PLCD4: variants seen among roughly 807,000 people sequenced by gnomAD.
The protein encoded by PLCD4 is 1-phosphatidylinositol 4,5-bisphosphate phosphodiesterase delta-4.
In PLCD4, 63 loss-of-function variants were observed where a neutral mutation model predicts 90.2. The ratio of observed to expected loss-of-function variants is 0.70; its 90% CI spans 0.57 to 0.86. PLCD4 has a LOEUF of 0.86. PLCD4 is among the 40% of genes least tolerant of loss of function. PLCD4 has a pLI of 0.00. For synonymous variants in PLCD4, 294 were observed against 356.5 expected (o/e 0.82, Z 1.97); for missense variants, 830 against 956.3 (o/e 0.87, Z 1.74).
rs1350223781 is a variant in PLCD4, at chr2:218,632,216, A to C, written c.1353A>C (p.Glu451Asp). 6.2e-7 allele frequency: 1 copy of C among 1,611,454 alleles called. No individual in the cohort carries two copies. ...TGGAATATGAGGAAGAGGAAGCAGAACCTGAGTTGGAAGAGTCAGAATTGG... is the reference window on the plus strand; with the variant it reads ...TGGAATATGAGGAAGAGGAAGCAGACCCTGAGTTGGAAGAGTCAGAATTGG... ...EDLEYEEEEA[E>D]PELEESELAL... is the part of the protein sequence containing the mutation. Residue 451 changes from glutamate (E) to aspartate (D), a missense_variant, in exon 10 of 16, where the codon GAA becomes GAC. Physicochemically the swap from Glu to Asp is conservative, Grantham distance 45. Transcript: ENST00000450993.
intron 14 of PLCD4, 80 bp downstream of exon 14, chr2:218,636,011 G>A (rs1405802489): frequency 6.9e-6 from 11 of 1,595,242 alleles, no homozygotes; most frequent in Non-Finnish European, 8.6e-6. Context: ...ATTAAGTATA[G>A]CATCTGTTAT....
At chr2:218,636,103 A>C in intron 14 of PLCD4, 140 bp from the exon 15 acceptor site, 2 of 1,369,212 alleles carry the variant, frequency 1.5e-6, no homozygotes, top group African/African-American at 2.9e-5. Flanking sequence ...GACCTGGGCA[A>C]ATTACTTGCT....
chr2:218,611,793 T>G (rs1695347393), intron 1 of PLCD4, among the ~76,000 whole-genome samples: 1 of 152,004 alleles, frequency 6.6e-6, no homozygotes, highest in Non-Finnish European at 1.5e-5. Context: ...GAGACGGGGT[T>G]TCACTATGTT....
At chr2:218,609,660 G>C (rs1695242795) in intron 1 of PLCD4, 9 of 152,172 alleles carry the variant, frequency 5.9e-5, no homozygotes, top group Admixed American at 5.9e-4. Flanking sequence ...TTAGACACCA[G>C]AGGAAACAGC....
At chr2:218,618,880 T>A in intron 4 of PLCD4, 73 bp downstream of exon 4, 1 of 1,443,856 alleles carries the variant, frequency 6.9e-7, no homozygotes. Flanking sequence ...GCAACAGGTT[T>A]AGGAAAGGTG....
At chr2:218,627,923 T>G in intron 6 of PLCD4, 106 bp from the exon 7 acceptor site, 1 of 1,062,852 alleles carries the variant, frequency 9.4e-7, no homozygotes, top group Non-Finnish European at 1.4e-6. Flanking sequence ...GGGTGCCATC[T>G]GAAAGGCAGG....
In PLCD4 at chr2:218,633,634, C is replaced by T; in HGVS notation, c.1479C>T (p.Leu493=). The T allele has an allele frequency of 6.2e-7, 1 of 1,613,772 alleles. No individual in the cohort carries two copies. The highest frequency in any genetic ancestry group is 8.5e-7 in the Non-Finnish European group (1 of 1,179,660). ...CCAAGCCCATCTTGTGTCCAGCCCTCTCTTCCCTGGTTATCTACTTGAAGT... is the reference window on the plus strand; with the variant it reads ...CCAAGCCCATCTTGTGTCCAGCCCTTTCTTCCCTGGTTATCTACTTGAAGT... ...KKSKPILCPA[L]SSLVIYLKSV... Residue 493 remains leucine, a synonymous_variant, in exon 11 of 16, where the codon CTC becomes CTT. Transcript: ENST00000450993.
chr2:218,611,734 G>T (rs988256080), intron 1 of PLCD4, among the ~76,000 whole-genome samples: 4 of 150,966 alleles, frequency 2.6e-5, no homozygotes, highest in Non-Finnish European at 5.9e-5. Flanking sequence ...GAGTAGCTGG[G>T]ATTACAGGTG....
rs1559279282 is a variant in PLCD4 at position 218,635,849 on chromosome 2, T to G, written c.1950T>G (p.Ile650Met). The change falls in exon 14 of 16, where the codon ATT (isoleucine) becomes ATG (methionine). Residue 650 changes from isoleucine (I) to methionine (M), a missense_variant. By Grantham distance (10) the Ile-to-Met change is conservative (BLOSUM62 1). Transcript: ENST00000450993. ...PKVDKTKEGSIVDPLVKVQIF... is the reference protein window; with the variant it reads ...PKVDKTKEGSMVDPLVKVQIF... ...TGGACAAGACCAAAGAGGGGTCCATTGTGGATCCACTGGTGAAAGTGCAGA... is the reference window on the plus strand; with the variant it reads ...TGGACAAGACCAAAGAGGGGTCCATGGTGGATCCACTGGTGAAAGTGCAGA... 2 of 1,613,898 alleles carry G rather than the reference T, an allele frequency of 1.2e-6. No individual in the cohort carries two copies. The highest frequency in any genetic ancestry group is 2.2e-5 in the South Asian group (2 of 91,074).
rs1489914710 is a variant in PLCD4 at position 218,615,884 on chromosome 2, C to G, written c.23-20C>G. 6.2e-7 allele frequency: 1 copy of G among 1,613,020 alleles called. No individual in the cohort carries two copies. Among genetic ancestry groups the G allele is most frequent in the Non-Finnish European group, 8.5e-7 (1 of 1,179,166 alleles). ...CTACCCTCTCTGCTGGCTACCTAAC[C>G]CCTGCTTTTCCTGACCTAGAGCTGA... On this transcript the variant is annotated intron_variant, in intron 2 of 15. Transcript: ENST00000450993.
intron 8 of PLCD4, 125 bp from the exon 9 acceptor site, chr2:218,630,525 A>C: frequency 5.4e-6 from 6 of 1,105,436 alleles, no homozygotes; most frequent in Non-Finnish European, 6.7e-6. Context: ...TGGAGTTGGA[A>C]GAGTTTAGTG....
intron 4 of PLCD4, among the ~76,000 whole-genome samples, chr2:218,620,779 AGCTACT>A (rs1695835807): frequency 6.6e-6 from 1 of 151,096 alleles, no homozygotes; most frequent in African/African-American, 2.4e-5. Flanking sequence ...CTGTAATCTC[AGCTACT>A]CAGGAGGCTG....
Position 218,632,122 on chromosome 2 carries a change from T to G in PLCD4, c.1273-14T>G. 6.3e-7 allele frequency: 1 copy of G among 1,592,554 alleles called. No individual in the cohort carries two copies. Among genetic ancestry groups the G allele is most frequent in the South Asian group, 1.1e-5 (1 of 87,156 alleles). ...GCAGACAGGTAGACAGGCCCCTTCA[T>G]TTTTGTCCCCTAGGAGCTTCGGAGG... is the stretch of plus-strand genomic sequence containing the variant. On this transcript the variant is annotated splice_polypyrimidine_tract_variant and intron_variant, in intron 9 of 15. Transcript: ENST00000450993.
At chr2:218,618,306 C>T (rs1695712995) in intron 3 of PLCD4, among the ~76,000 whole-genome samples, 1 of 152,214 alleles carries the variant, frequency 6.6e-6, no homozygotes, top group Admixed American at 6.5e-5. Context: ...TGGTTTGTGT[C>T]ATACTGCCAG....
At chr2:218,633,904 G>A in intron 11 of PLCD4, 143 bp downstream of exon 11, 1 of 1,233,982 alleles carries the variant, frequency 8.1e-7, no homozygotes, top group Admixed American at 2.1e-5. Context: ...GCAGACAAGG[G>A]CAGAGGAGTT....
chr2:218,629,995 T>G (rs1434581188), intron 8 of PLCD4, among the ~76,000 whole-genome samples: 3 of 152,040 alleles, frequency 2.0e-5, no homozygotes, highest in Non-Finnish European at 2.9e-5. Context: ...CTGACCAACA[T>G]GGAGAAACCC....
chr2:218,634,556 C>T lies in PLCD4; in HGVS notation c.1822C>T (p.Leu608=). ...GCGYVLKPDF[L]RDIQSSFHPE... ...TGGCTATGTGCTGAAGCCAGACTTC[C>T]TGCGTGATATCCAGAGTTCTTTCCA... Residue 608 remains leucine, a synonymous_variant, in exon 13 of 16, where the codon CTG becomes TTG. Coordinates refer to ENST00000450993, the MANE Select transcript of PLCD4 (RefSeq NM_032726.4). This position sits in a 1 kb window ranked among gnomAD's most constrained non-coding sequence, Gnocchi z 4.0. 2 of 1,614,064 alleles carry T rather than the reference C, an allele frequency of 1.2e-6. No homozygotes were observed. The highest frequency in any genetic ancestry group is 1.7e-6 in the Non-Finnish European group (2 of 1,179,898).
At chr2:218,629,757 G>T in intron 8 of PLCD4, 94 bp downstream of exon 8, 2 of 1,376,166 alleles carry the variant, frequency 1.5e-6, no homozygotes, top group African/African-American at 1.4e-5. Flanking sequence ...GAGTACAGGG[G>T]AAGTTCCATC....
intron 1 of PLCD4, among the ~76,000 whole-genome samples, chr2:218,612,776 CA>C (rs1230114046): frequency 6.7e-6 from 1 of 149,752 alleles, no homozygotes; most frequent in Non-Finnish European, 1.5e-5. Context: ...ATCTCAAAAA[CA>C]AAAAAAAAGA....
Sources: gnomAD v4.1 joint callset for allele counts (sites outside exome capture counted in the v4.1 genomes callset) on GRCh38, gnomAD v4.1.1 for gene constraint, Gnocchi (gnomAD v3.1) non-coding constraint, MANE v1.5 for transcripts, NCBI Gene and HGNC (gene_info 2026-07-23, HGNC 2026-07-21) for gene names.